ATIC: variants seen among roughly 807,000 people sequenced by gnomAD.
ATIC encodes 5-aminoimidazole-4-carboxamide ribonucleotide formyltransferase/IMP cyclohydrolase.
In ATIC, 64 loss-of-function variants were observed where a neutral mutation model predicts 72.5. The ratio of observed to expected loss-of-function variants is 0.88; its 90% CI spans 0.72 to 1.09. The LOEUF (loss-of-function observed/expected upper bound fraction) is 1.09, where lower values mean the gene tolerates loss of function less well. ATIC is among the 50% of genes least tolerant of loss of function. The pLI, the probability that ATIC is intolerant of heterozygous loss-of-function variation, is 0.00. For missense variants in ATIC, 787 were observed against 732.4 expected (o/e 1.07, Z -0.86); for synonymous variants, 281 against 267.1 (o/e 1.05, Z -0.51).
intron 4 of ATIC, 55 bp downstream of exon 4, chr2:215,319,786 G>A: frequency 7.3e-7 from 1 of 1,367,484 alleles, no homozygotes; most frequent in South Asian, 1.2e-5. Context: ...CAAAGACTAT[G>A]CCAAACCTGG....
chr2:215,362,189 T>C, the ATIC span: 1 of 755,550 alleles, frequency 1.3e-6, no homozygotes, highest in Non-Finnish European at 2.3e-6. Flanking sequence ...TGGCAAAATA[T>C]AAGCAGTTAA....
chr2:215,335,760 C>T (rs1381228299), intron 10 of ATIC, among the ~76,000 whole-genome samples: 2 of 152,160 alleles, frequency 1.3e-5, no homozygotes, highest in Non-Finnish European at 2.9e-5. Context: ...AATATTTCCT[C>T]CTGAGGTACA....
In ATIC at chr2:215,346,899, C is replaced by T. The variant is rs1348700385; in HGVS notation, c.1461C>T (p.Ile487=). ...AAACAGGAGTGAAGAGAGCAGAAAT[C>T]TCCAATGCCATCGATCAATATGTGA... The part of the protein sequence containing the change: ...KFKTGVKRAE[I]SNAIDQYVTG... The change falls in exon 14 of 16, where the codon ATC becomes ATT. Residue 487 remains isoleucine (I), a synonymous_variant. Transcript: ENST00000236959. 8.7e-6 allele frequency: 14 copies of T among 1,614,102 alleles called. No homozygotes were observed. The highest frequency in any genetic ancestry group is 1.2e-5 in the Non-Finnish European group (14 of 1,180,048).
Position 215,326,914 on chromosome 2 carries a change from T to C in ATIC, c.624T>C (p.Tyr208=), listed in dbSNP as rs775629229. ...GCGTATCTCAGATGCCCTTGAGATA[T>C]GGAATGAACCCACATCAGACCCCTG... ...SKGVSQMPLR[Y]GMNPHQTPAQ... The change falls in exon 7 of 16, where the codon TAT becomes TAC. Residue 208 remains tyrosine (Y), a synonymous_variant. Transcript: ENST00000236959. The C allele has an allele frequency of 2.5e-6, 4 of 1,614,168 alleles. No individual in the cohort carries two copies. The highest frequency in any genetic ancestry group is 1.7e-5 in the Admixed American group (1 of 60,008).
At chr2:215,357,585 C>G in the ATIC span, among the ~76,000 whole-genome samples, 1 of 152,220 alleles carries the variant, frequency 6.6e-6, no homozygotes, top group Non-Finnish European at 1.5e-5. Flanking sequence ...GGACTTTCGG[C>G]TGAAGCCCTG....
At chr2:215,332,564 A>T in intron 8 of ATIC, 57 bp downstream of exon 8, 3 of 1,594,964 alleles carry the variant, frequency 1.9e-6, no homozygotes, top group Non-Finnish European at 2.6e-6. Context: ...TTCTTCTTAA[A>T]TTTTTTTGAA....
At chr2:215,339,597 T>C (rs1223286286) in intron 12 of ATIC, among the ~76,000 whole-genome samples, 2 of 151,830 alleles carry the variant, frequency 1.3e-5, no homozygotes, top group African/African-American at 4.8e-5. Context: ...GATGGATATT[T>C]ATTGTTCTTA....
intron 11 of ATIC, 73 bp from the exon 12 acceptor site, chr2:215,338,706 T>C (rs1317843829): frequency 9.4e-6 from 14 of 1,488,588 alleles, no homozygotes; most frequent in Non-Finnish European, 1.2e-5. Flanking sequence ...ATGAAATCTT[T>C]TGTATATAAA....
chr2:215,359,240 A>AAGCATCATC, the ATIC span, among the ~76,000 whole-genome samples: 7 of 152,158 alleles, frequency 4.6e-5, no homozygotes, highest in Non-Finnish European at 8.8e-5. Flanking sequence ...AAGTGGTTTG[A>AAGCATCATC]AGCATCATCA....
downstream of ATIC, among the ~76,000 whole-genome samples, chr2:215,353,500 T>C (rs546140714): frequency 1.4e-4 from 21 of 152,314 alleles, no homozygotes; most frequent in Middle Eastern, 3.4e-3. Flanking sequence ...GTGTTAACTG[T>C]GTGCAGTGTC....
chr2:215,360,274 A>G, the ATIC span, among the ~76,000 whole-genome samples: 1 of 152,170 alleles, frequency 6.6e-6, no homozygotes, highest in African/African-American at 2.4e-5. Context: ...TGTTTCCTCA[A>G]TGTTAAATTG....
chr2:215,343,697 T>A (rs748346850), intron 12 of ATIC, among the ~76,000 whole-genome samples: 1 of 152,144 alleles, frequency 6.6e-6, no homozygotes, highest in Non-Finnish European at 1.5e-5. Context: ...GGATATGAGG[T>A]TTGTTAATAA....
chr2:215,320,452 G>C (rs1188535555), intron 4 of ATIC, among the ~76,000 whole-genome samples: 1 of 152,174 alleles, frequency 6.6e-6, no homozygotes, highest in Non-Finnish European at 1.5e-5. Context: ...TTCTGGTGAG[G>C]GCCTCAGGAA....
chr2:215,312,685 T>C (rs907259638), intron 2 of ATIC, 61 bp downstream of exon 2: 10 of 1,612,620 alleles, frequency 6.2e-6, no homozygotes, highest in African/African-American at 1.3e-5. Context: ...AAGTATTGTA[T>C]TCCAGGCACC....
At chr2:215,332,131 C>CGTGT (rs71044585) in intron 7 of ATIC, among the ~76,000 whole-genome samples, 20,484 of 141,926 alleles carry the variant, frequency 0.14, 1,734 homozygotes, top group Non-Finnish European at 0.2. Flanking sequence ...GTCCTCCAGT[C>CGTGT]GTGTGTGTGT....
chr2:215,347,046 A>G (rs1648614562), intron 14 of ATIC, 105 bp downstream of exon 14: 5 of 1,364,100 alleles, frequency 3.7e-6, no homozygotes, highest in Non-Finnish European at 5.1e-6. Context: ...AGATACTTTC[A>G]TTGAAATTCT....
At chr2:215,318,029 A>T (rs2052728011) in intron 2 of ATIC, 128 bp from the exon 3 acceptor site, 5 of 832,078 alleles carry the variant, frequency 6.0e-6, no homozygotes, top group Non-Finnish European at 8.0e-6. Flanking sequence ...GAAATACTTT[A>T]AAAAATCAGA....
intron 14 of ATIC, chr2:215,347,182 C>A: frequency 1.9e-6 from 1 of 525,978 alleles, no homozygotes; most frequent in Non-Finnish European, 3.4e-6. Flanking sequence ...TAAATTGCAG[C>A]CTTGGTGTAG....
chr2:215,357,264 T>TGGGA, the ATIC span, among the ~76,000 whole-genome samples: 1 of 152,176 alleles, frequency 6.6e-6, no homozygotes, highest in African/African-American at 2.4e-5. Context: ...AAGGGCCCAA[T>TGGGA]GGGAGACTCC....
Sources: allele counts gnomAD v4.1 joint callset (sites outside exome capture counted in the v4.1 genomes callset), GRCh38; gene constraint gnomAD v4.1.1; transcripts MANE v1.5; gene names NCBI Gene and HGNC (gene_info 2026-07-23, HGNC 2026-07-21).